ASTN2: variants seen among roughly 807,000 people sequenced by gnomAD.
ASTN2 encodes astrotactin-2.
In ASTN2, 54 loss-of-function variants were observed where a neutral mutation model predicts 139.8. The observed-to-expected ratio is 0.39, with a 90% CI of 0.31 to 0.48. ASTN2 has a LOEUF of 0.48. Ranked by LOEUF, ASTN2 falls within the 20% of genes least tolerant of loss-of-function variation. The pLI, the probability that ASTN2 is intolerant of heterozygous loss-of-function variation, is 0.95. For missense variants in ASTN2, 1,565 were observed against 1,725.1 expected (o/e 0.91, Z 1.64); for synonymous variants, 756 against 719.5 (o/e 1.05, Z -0.81).
chr9:116,766,885 A>T (rs1361404800), intron 13 of ASTN2, among the ~76,000 whole-genome samples: 2 of 151,964 alleles, frequency 1.3e-5, no homozygotes, highest in Non-Finnish European at 2.9e-5. Flanking sequence ...ACACATTCAC[A>T]CTCACATACA....
intron 12 of ASTN2, 75 bp from the exon 13 acceptor site, chr9:116,805,895 C>A (rs1831017876): frequency 7.0e-7 from 1 of 1,438,546 alleles, no homozygotes; most frequent in South Asian, 1.3e-5. Flanking sequence ...AAAACCAAGG[C>A]CTCCTTTCCC....
At chr9:116,892,916 G>T (rs1482756215) in intron 10 of ASTN2, among the ~76,000 whole-genome samples, 1 of 152,068 alleles carries the variant, frequency 6.6e-6, no homozygotes, top group Non-Finnish European at 1.5e-5. Flanking sequence ...ATTATTAATT[G>T]CCTGCCTGAA....
intron 4 of ASTN2, among the ~76,000 whole-genome samples, chr9:117,129,343 T>C (rs1037363813): frequency 6.6e-6 from 1 of 152,144 alleles, no homozygotes; most frequent in Admixed American, 6.5e-5. Flanking sequence ...TCTCCACCCC[T>C]TGATGTAAAA....
chr9:117,062,098 C>T (rs998276813), intron 5 of ASTN2, among the ~76,000 whole-genome samples: 24 of 152,136 alleles, frequency 1.6e-4, no homozygotes, highest in African/African-American at 5.3e-4. Context: ...CTGTACCACA[C>T]GATGAATTAT....
In ASTN2 at chr9:117,351,186, A is replaced by G. The variant is rs75193880; in HGVS notation, c.443-59673T>C. ...ACATCCATGATGGCAAATCTAAGCT[A>G]TAAAGAATTGGTAGGATTAAGGAAA... On this transcript the variant is annotated intron_variant, in intron 1 of 22. Coordinates refer to ENST00000313400, the MANE Select transcript of ASTN2 (RefSeq NM_001365068.1). Among the ~76,000 whole-genome samples the G allele has an allele frequency of 8.0e-4, 122 of 152,312 alleles. No individual in the cohort carries two copies. The East Asian group carries it at 0.023, about 28-fold the overall frequency.
At chr9:116,735,619 C>CA (rs1564239677) in intron 13 of ASTN2, among the ~76,000 whole-genome samples, 1 of 152,132 alleles carries the variant, frequency 6.6e-6, no homozygotes, top group African/African-American at 2.4e-5. Context: ...GGGGAAAACA[C>CA]AAAAAATGGC....
chr9:116,719,909 G>A (rs114794522), intron 16 of ASTN2, among the ~76,000 whole-genome samples: 6,301 of 152,154 alleles, frequency 0.041, 462 homozygotes, highest in African/African-American at 0.14. Flanking sequence ...GATGGAACCC[G>A]AAAACTGTCC....
chr9:117,020,959 G>A (rs1266926827), intron 6 of ASTN2, among the ~76,000 whole-genome samples: 1 of 152,120 alleles, frequency 6.6e-6, no homozygotes, highest in Non-Finnish European at 1.5e-5. Flanking sequence ...TCAGGTTGGG[G>A]TGCAGTGGAG....
At chr9:117,339,317 A>T (rs1828988857) in intron 1 of ASTN2, among the ~76,000 whole-genome samples, 3 of 152,214 alleles carry the variant, frequency 2.0e-5, no homozygotes, top group African/African-American at 7.2e-5. Context: ...ACTATGCCAC[A>T]CCGCATTGGA....
intron 19 of ASTN2, among the ~76,000 whole-genome samples, chr9:116,537,648 G>A (rs1324936660): frequency 2.0e-5 from 3 of 152,288 alleles, no homozygotes; most frequent in Admixed American, 6.5e-5. Flanking sequence ...AAAATTTTAT[G>A]TATGATCCAG....
chr9:116,922,379 T>G (rs1588413816), intron 10 of ASTN2, among the ~76,000 whole-genome samples: 1 of 152,342 alleles, frequency 6.6e-6, no homozygotes, highest in South Asian at 2.1e-4. Flanking sequence ...AATCATTTTT[T>G]TCAATAATGA....
In ASTN2 at chr9:116,425,995, T is replaced by A; in HGVS notation, c.3876A>T (p.Thr1292=). The A allele has an allele frequency of 1.2e-6, 2 of 1,614,168 alleles. No homozygotes were observed. The highest frequency in any genetic ancestry group is 1.1e-5 in the South Asian group (1 of 91,082). ...CGCTGCGGCAGAAAAGATAGGGCACTGTTTCCACGCGGCTCTGGATGTAGG... is the reference window on the plus strand; with the variant it reads ...CGCTGCGGCAGAAAAGATAGGGCACAGTTTCCACGCGGCTCTGGATGTAGG... ...RSAYIQSRVE[T]VPYLFCRSEE... The change falls in exon 23 of 23, where the codon ACA becomes ACT. Residue 1292 remains threonine (T), a synonymous_variant. Transcript: ENST00000313400.
chr9:116,689,462 T>C (rs1445968203), intron 16 of ASTN2, among the ~76,000 whole-genome samples: 2 of 152,222 alleles, frequency 1.3e-5, no homozygotes, highest in East Asian at 3.8e-4. Flanking sequence ...ATGACAGTCC[T>C]TCTAAGTAGG....
Position 117,039,967 on chromosome 9 carries a change from T to C in ASTN2, c.1277-2A>G. On this transcript the variant is annotated splice_acceptor_variant, in intron 5 of 22. Transcript: ENST00000313400. LOFTEE classifies it high-confidence loss of function. ...TGTTCACTGGGCTTTTCAGCAAACC[T>C]GGTAACAAGAACATACACAAAGACA... 1 of 1,609,296 alleles carries C rather than the reference T, an allele frequency of 6.2e-7. No individual in the cohort carries two copies. The highest frequency in any genetic ancestry group is 8.5e-7 in the Non-Finnish European group (1 of 1,177,440).
intron 12 of ASTN2, among the ~76,000 whole-genome samples, chr9:116,812,689 GT>G (rs1265646922): frequency 2.6e-5 from 4 of 152,120 alleles, no homozygotes; most frequent in Admixed American, 6.5e-5. Context: ...GAAAATTGAG[GT>G]TTACAGAAGT....
At chr9:116,506,443 T>G (rs1028508054) in intron 19 of ASTN2, among the ~76,000 whole-genome samples, 15 of 152,060 alleles carry the variant, frequency 9.9e-5, no homozygotes, top group Non-Finnish European at 1.5e-4. Flanking sequence ...GAAATGGGTG[T>G]TATTTGGGAT....
intron 19 of ASTN2, among the ~76,000 whole-genome samples, chr9:116,564,352 G>A (rs1853076168): frequency 6.6e-6 from 1 of 152,144 alleles, no homozygotes; most frequent in South Asian, 2.1e-4. Flanking sequence ...GGCAACCCTT[G>A]GGGCTGGAGA....
At chr9:117,280,001 G>C (rs1834287799) in intron 2 of ASTN2, among the ~76,000 whole-genome samples, 1 of 151,906 alleles carries the variant, frequency 6.6e-6, no homozygotes, top group Non-Finnish European at 1.5e-5. Flanking sequence ...TTTGGTCCAG[G>C]ATCCCACATT....
At chr9:116,822,670 G>T (rs148210102) in intron 11 of ASTN2, among the ~76,000 whole-genome samples, 2 of 152,090 alleles carry the variant, frequency 1.3e-5, no homozygotes, top group Non-Finnish European at 2.9e-5. Context: ...TTTTTTAAAC[G>T]TGTTCACTAA....
Sources: gnomAD v4.1 joint callset for allele counts (sites outside exome capture counted in the v4.1 genomes callset) on GRCh38, gnomAD v4.1.1 for gene constraint, MANE v1.5 for transcripts, NCBI Gene and HGNC (gene_info 2026-07-23, HGNC 2026-07-21) for gene names.